GLRA2: variants seen among roughly 807,000 people sequenced by gnomAD.
GLRA2 encodes glycine receptor subunit alpha-2.
GLRA2 carries 11 observed loss-of-function variants against 31.6 expected under a neutral mutation model. The ratio of observed to expected loss-of-function variants is 0.35; its 90% CI spans 0.22 to 0.58. The LOEUF is 0.58. Ranked by LOEUF, GLRA2 falls within the 20% of genes least tolerant of loss-of-function variation. The pLI, the probability that GLRA2 is intolerant of heterozygous loss-of-function variation, is 0.84. For synonymous variants in GLRA2, 132 were observed against 134.0 expected (o/e 0.99, Z 0.10); for missense variants, 212 against 351.8 (o/e 0.60, Z 3.18).
At chrX:14,703,626 T>C (rs1222645828) in intron 8 of GLRA2, among the ~76,000 whole-genome samples, 1 of 111,607 alleles carries the variant, frequency 9.0e-6, no homozygotes. Context: ...CAAACAGCAA[T>C]GGTTTCCACT....
At chrX:14,507,689 C>CTTTTTTTTTTTT in the GLRA2 span, among the ~76,000 whole-genome samples, 75 of 46,637 alleles carry the variant, frequency 1.6e-3, 13 homozygotes, top group African/African-American at 4.9e-3. Context: ...GAAAGACATT[C>CTTTTTTTTTTTT]TTTTTTTTTT....
intron 7 of GLRA2, among the ~76,000 whole-genome samples, chrX:14,681,850 C>G (rs757564563): frequency 1.1e-5 from 1 of 88,811 alleles, no homozygotes; most frequent in Non-Finnish European, 2.2e-5. Context: ...CGAGATCGCG[C>G]CACTGCACTC....
chrX:14,700,296 G>C (rs749891048), intron 8 of GLRA2, among the ~76,000 whole-genome samples: 1 of 110,696 alleles, frequency 9.0e-6, no homozygotes, highest in African/African-American at 3.3e-5. Context: ...GGAGGAGAAA[G>C]GTTGAGAAAG....
intron 8 of GLRA2, among the ~76,000 whole-genome samples, chrX:14,711,074 C>T (rs1428010975): frequency 8.9e-6 from 1 of 112,282 alleles, no homozygotes; most frequent in Non-Finnish European, 1.9e-5. Flanking sequence ...GCCATTAATA[C>T]AAATATGAGT....
At chrX:14,533,355 G>C (rs2089282453) in intron 2 of GLRA2, among the ~76,000 whole-genome samples, 1 of 110,413 alleles carries the variant, frequency 9.1e-6, no homozygotes, top group South Asian at 3.8e-4. Context: ...GCAAATATAA[G>C]CATGAAAACT....
chrX:14,724,126 T>G (rs1281563142), intron 8 of GLRA2, among the ~76,000 whole-genome samples: 1 of 111,645 alleles, frequency 9.0e-6, no homozygotes, highest in African/African-American at 3.3e-5. Flanking sequence ...TATCTGTGTG[T>G]GTCTTGTGTG....
At chrX:14,697,680 T>TTGTTCTATGG (rs1466707419) in intron 8 of GLRA2, among the ~76,000 whole-genome samples, 2 of 110,850 alleles carry the variant, frequency 1.8e-5, no homozygotes, top group Non-Finnish European at 3.8e-5. Context: ...GATACCAGCC[T>TTGTTCTATGG]TGTTCTATGG....
At chrX:14,690,659 TTCTCTCTC>T in intron 7 of GLRA2, 43 bp from the exon 8 acceptor site, 3 of 774,729 alleles carry the variant, frequency 3.9e-6, no homozygotes, top group Admixed American at 2.6e-5. Context: ...TAGTCTTTCT[TTCTCTCTC>T]TCTCTCTCTC....
intron 7 of GLRA2, among the ~76,000 whole-genome samples, chrX:14,688,736 C>T (rs2091308244): frequency 9.0e-6 from 1 of 110,568 alleles, no homozygotes; most frequent in African/African-American, 3.3e-5. Context: ...ATTCCCTGAC[C>T]CCTTGCGCTT....
At chrX:14,503,426 T>C in the GLRA2 span, among the ~76,000 whole-genome samples, 1 of 111,768 alleles carries the variant, frequency 8.9e-6, no homozygotes, top group South Asian at 3.8e-4. Context: ...GGTACCACAA[T>C]TGGGGAAGAC....
chrX:14,730,889 TATACACAC>T lies in GLRA2; in HGVS notation c.*406_*413del, dbSNP rs2091984631. The T allele has an allele frequency of 7.7e-6, 1 of 129,234 alleles. No homozygotes were observed. The highest frequency in any genetic ancestry group is 4.7e-5 in the African/African-American group (1 of 21,451). 10.7% of individuals were successfully genotyped at this position (129,234 alleles called of 1,213,427 possible). A position where few individuals can be genotyped will look rare whatever the true frequency, so the allele number is the denominator to read the frequency against. On this transcript the variant is annotated 3_prime_UTR_variant, in exon 9 of 9. Transcript: ENST00000218075. Reference sequence around the variant, plus strand: ...CTAATTCTGGTACTGAAAAGTTAGCTATACACACACACACACACACACACACACACACA... The same window carrying T: ...CTAATTCTGGTACTGAAAAGTTAGCTACACACACACACACACACACACACA...
chrX:14,531,206 T>TG, intron 1 of GLRA2: 2 of 816,802 alleles, frequency 2.4e-6, no homozygotes, highest in South Asian at 4.4e-5. Flanking sequence ...CTCATATCAA[T>TG]TTTTAACTCC....
At chrX:14,518,452 C>CA in the GLRA2 span, among the ~76,000 whole-genome samples, 1 of 110,987 alleles carries the variant, frequency 9.0e-6, no homozygotes, top group South Asian at 3.8e-4. Context: ...AAAAAACACA[C>CA]AAAACTGGAA....
At chrX:14,580,476 A>C (rs908132935) in intron 3 of GLRA2, among the ~76,000 whole-genome samples, 3 of 111,836 alleles carry the variant, frequency 2.7e-5, no homozygotes, top group African/African-American at 9.7e-5. Flanking sequence ...CATTAACAGA[A>C]GAAAATTCCC....
the GLRA2 span, among the ~76,000 whole-genome samples, chrX:14,513,654 A>G: frequency 8.4e-4 from 94 of 112,322 alleles, no homozygotes; most frequent in African/African-American, 2.7e-3. Context: ...GCCAACAACC[A>G]TATGAAAAAA....
In GLRA2 at chrX:14,621,368, C is replaced by CT. The variant is rs370909021; in HGVS notation, c.930+12173dup. 3.7e-3 allele frequency among the ~76,000 whole-genome samples: 392 copies of CT among 106,559 alleles called. 2 individuals carry two copies. The highest frequency in any genetic ancestry group is 4.8e-3 in the Middle Eastern group (1 of 208). The allele number at this position is 106,559 out of a possible 115,157, so 92.5% of individuals were successfully genotyped here. On this transcript the variant is annotated intron_variant, in intron 7 of 8. Transcript: ENST00000218075. ...TAAAAGTTTGTTCTGATTATTTGTT[C>CT]TTTTTTTTTTAACACTTTAAGTTCT...
intron 7 of GLRA2, among the ~76,000 whole-genome samples, chrX:14,628,668 A>G (rs6630727): frequency 0.029 from 3,190 of 111,746 alleles, 116 homozygotes; most frequent in African/African-American, 0.097. Flanking sequence ...GGCAGAGGAC[A>G]ACCCCAGAAA....
chrX:14,475,911 T>C, the GLRA2 span, among the ~76,000 whole-genome samples: 1 of 111,955 alleles, frequency 8.9e-6, no homozygotes, highest in Non-Finnish European at 1.9e-5. Context: ...ACATTTTTGT[T>C]TCTTCTATGG....
intron 7 of GLRA2, among the ~76,000 whole-genome samples, chrX:14,661,357 T>C (rs1443898186): frequency 6.3e-5 from 7 of 111,793 alleles, no homozygotes; most frequent in African/African-American, 1.9e-4. Flanking sequence ...AATACATATA[T>C]TGACAGTCCA....
Sources: allele counts gnomAD v4.1 joint callset (sites outside exome capture counted in the v4.1 genomes callset), GRCh38; gene constraint gnomAD v4.1.1; transcripts MANE v1.5; gene names NCBI Gene and HGNC (gene_info 2026-07-23, HGNC 2026-07-21).